Variants in CELF4 observed in about 807,000 individuals in gnomAD.
CELF4 encodes CUG-BP- and ETR-3-like factor 4.
In CELF4, 18 loss-of-function variants were observed where a neutral mutation model predicts 59.9. The observed-to-expected ratio is 0.30, with a 90% confidence interval of 0.21 to 0.45. CELF4 has a LOEUF of 0.45. Among genes scored for constraint, CELF4 ranks in the 20% least tolerant of loss-of-function variants. The pLI is 1.00. For missense variants in CELF4, 456 were observed against 689.0 expected, an observed-to-expected ratio of 0.66 and a Z score of 3.79; for synonymous variants, 261 against 267.1, an observed-to-expected ratio of 0.98 and a Z score of 0.22.
At chr18:37,536,474 C>T (rs1053332368) in intron 1 of CELF4, among the ~76,000 whole-genome samples, 1 of 152,200 alleles carries the variant, frequency 6.6e-6, no homozygotes, top group East Asian at 1.9e-4. Context: ...TCTCAGCCCT[C>T]GGCAAGGGGT....
chr18:37,257,189 C>T (rs969069138), intron 11 of CELF4, among the ~76,000 whole-genome samples: 1 of 152,168 alleles, frequency 6.6e-6, no homozygotes, highest in Non-Finnish European at 1.5e-5. Context: ...CCGGACTGCA[C>T]CCACACCCGG....
At chr18:37,262,405 AGG>A (rs577832169) in intron 10 of CELF4, among the ~76,000 whole-genome samples, 1 of 126,546 alleles carries the variant, frequency 7.9e-6, no homozygotes, top group African/African-American at 3.2e-5. Flanking sequence ...GGGGTGGGGG[AGG>A]GGGGGGCAGG....
chr18:37,471,707 G>A (rs558746302), intron 2 of CELF4, among the ~76,000 whole-genome samples: 6 of 152,200 alleles, frequency 3.9e-5, no homozygotes, highest in South Asian at 2.1e-4. Context: ...TCTCTCCTCC[G>A]CAGGAGGGAA....
chr18:37,372,922 G>A (rs960335452), intron 2 of CELF4, among the ~76,000 whole-genome samples: 1 of 152,126 alleles, frequency 6.6e-6, no homozygotes, highest in South Asian at 2.1e-4. Context: ...GGGCTGGGGT[G>A]AGGAATATGC....
At chr18:37,406,072 G>C (rs955392027) in intron 2 of CELF4, among the ~76,000 whole-genome samples, 10 of 152,084 alleles carry the variant, frequency 6.6e-5, no homozygotes, top group Non-Finnish European at 1.0e-4. Context: ...GATAGAAGAC[G>C]CAGGTTCGCT....
chr18:37,338,755 G>A (rs1332757625), intron 2 of CELF4, among the ~76,000 whole-genome samples: 2 of 78,366 alleles, frequency 2.6e-5, no homozygotes, highest in African/African-American at 4.2e-5. Flanking sequence ...GAAAATGCAG[G>A]AGCCGTGTGT....
chr18:37,505,843 CAT>C (rs925980516), intron 1 of CELF4, among the ~76,000 whole-genome samples: 1 of 152,216 alleles, frequency 6.6e-6, no homozygotes, highest in African/African-American at 2.4e-5. Context: ...CCAGGCCCCA[CAT>C]GTGTTCCTGT....
intron 2 of CELF4, among the ~76,000 whole-genome samples, chr18:37,473,135 C>T (rs1410341947): frequency 6.6e-6 from 1 of 152,156 alleles, no homozygotes; most frequent in Non-Finnish European, 1.5e-5. Flanking sequence ...TATCCCTGGT[C>T]CCCTCCTTCC....
intron 2 of CELF4, among the ~76,000 whole-genome samples, chr18:37,408,819 C>G (rs1014794169): frequency 6.6e-6 from 1 of 152,172 alleles, no homozygotes; most frequent in Non-Finnish European, 1.5e-5. Flanking sequence ...GTACAGGTAT[C>G]GCCGCCTGCT....
chr18:37,269,939 C>A (rs1210072827), intron 8 of CELF4, among the ~76,000 whole-genome samples: 1 of 152,152 alleles, frequency 6.6e-6, no homozygotes, highest in Non-Finnish European at 1.5e-5. Flanking sequence ...CTGATACTTA[C>A]GGGGACTCTA....
intron 3 of CELF4, among the ~76,000 whole-genome samples, chr18:37,292,604 G>A (rs558155119): frequency 2.6e-5 from 4 of 152,258 alleles, no homozygotes; most frequent in East Asian, 1.9e-4. Flanking sequence ...AACTTGCTGC[G>A]GTTATTAGTG....
intron 2 of CELF4, among the ~76,000 whole-genome samples, chr18:37,358,747 G>A (rs1569567604): frequency 6.6e-6 from 1 of 152,232 alleles, no homozygotes; most frequent in Non-Finnish European, 1.5e-5. Flanking sequence ...CAGGCTCCAA[G>A]AGGGCACACA....
intron 1 of CELF4, among the ~76,000 whole-genome samples, chr18:37,504,910 T>C (rs1301230595): frequency 2.6e-5 from 4 of 152,362 alleles, no homozygotes; most frequent in African/African-American, 9.6e-5. Flanking sequence ...GAAAAGGGCC[T>C]GAGCCACAAA....
intron 2 of CELF4, among the ~76,000 whole-genome samples, chr18:37,391,413 G>T (rs1379581701): frequency 6.6e-6 from 1 of 152,256 alleles, no homozygotes; most frequent in Non-Finnish European, 1.5e-5. Flanking sequence ...AGCAGTGGCA[G>T]CCTGCTCTGC....
rs748954721 is a variant in CELF4 at position 37,253,489 on chromosome 18, C to A, written c.*44+278G>T. 6.6e-6 allele frequency among the ~76,000 whole-genome samples: 1 copy of A among 152,200 alleles called. No individual in the cohort carries two copies. Among genetic ancestry groups the A allele is most frequent in the Non-Finnish European group, 1.5e-5 (1 of 68,028 alleles). On this transcript the variant is annotated intron_variant, in intron 12 of 12. Transcript: ENST00000420428. The surrounding 1 kb of genome is among the most constrained non-coding windows in gnomAD (Gnocchi z 4.5). ...TGGCCAACAGGACTGCCAATGTAGACCCGGAGGCGCAGGCCCAGGGCTCGC... is the reference window on the plus strand; with the variant it reads ...TGGCCAACAGGACTGCCAATGTAGAACCGGAGGCGCAGGCCCAGGGCTCGC...
chr18:37,493,134 A>G (rs1236590928), intron 1 of CELF4, among the ~76,000 whole-genome samples: 1 of 152,050 alleles, frequency 6.6e-6, no homozygotes, highest in Non-Finnish European at 1.5e-5. Flanking sequence ...CACATAATAA[A>G]TTTCTGACTT....
chr18:37,314,021 A>G (rs1022270302), intron 3 of CELF4, among the ~76,000 whole-genome samples: 1 of 152,226 alleles, frequency 6.6e-6, no homozygotes, highest in Non-Finnish European at 1.5e-5. Context: ...CAGCTGTCTC[A>G]GGGATGCCTC....
chr18:37,542,230 T>G (rs572736014), intron 1 of CELF4, among the ~76,000 whole-genome samples: 89 of 152,380 alleles, frequency 5.8e-4, no homozygotes, highest in African/African-American at 2.1e-3. Flanking sequence ...TATTTACCAA[T>G]GACTGTAATA....
chr18:37,468,511 A>C (rs1284578743), intron 2 of CELF4, among the ~76,000 whole-genome samples: 1 of 152,126 alleles, frequency 6.6e-6, no homozygotes, highest in East Asian at 1.9e-4. Flanking sequence ...CAAGCTGGCC[A>C]CACCTATATC....
Sources: allele counts gnomAD v4.1 joint callset (sites outside exome capture counted in the v4.1 genomes callset), GRCh38; gene constraint gnomAD v4.1.1; non-coding constraint Gnocchi (gnomAD v3.1); transcripts MANE v1.5; gene names NCBI Gene and HGNC (gene_info 2026-07-23, HGNC 2026-07-21).